DPYSL2: variants seen among roughly 807,000 people sequenced by gnomAD.
DPYSL2 encodes dihydropyrimidinase-related protein 2.
Under a neutral mutation model 69.9 loss-of-function variants are expected in DPYSL2, and 13 were observed. The observed-to-expected ratio is 0.19, with a 90% CI of 0.12 to 0.30. The LOEUF (loss-of-function observed/expected upper bound fraction) is 0.30, where lower values mean the gene tolerates loss of function less well. Ranked by LOEUF, DPYSL2 falls within the 10% of genes least tolerant of loss-of-function variation. The pLI is 1.00. For synonymous variants in DPYSL2, 326 were observed against 359.1 expected (o/e 0.91, Z 1.04); for missense variants, 587 against 918.9 (o/e 0.64, Z 4.67).
intron 1 of DPYSL2, among the ~76,000 whole-genome samples, chr8:26,523,460 A>G (rs1021674112): frequency 2.0e-5 from 3 of 152,122 alleles, no homozygotes; most frequent in African/African-American, 7.2e-5. Flanking sequence ...CCCATGAAGC[A>G]ACAACTCTTC....
At chr8:26,542,985 A>C (rs1800709646) in intron 1 of DPYSL2, among the ~76,000 whole-genome samples, 1 of 152,244 alleles carries the variant, frequency 6.6e-6, no homozygotes, top group Non-Finnish European at 1.5e-5. Context: ...CTAAAAATAC[A>C]TGACACCAGC....
In DPYSL2 at chr8:26,653,051, C is replaced by T. The variant is rs958747858; in HGVS notation, c.1777-181C>T. Among the ~76,000 whole-genome samples the T allele has an allele frequency of 1.3e-5, 2 of 152,094 alleles. No individual in the cohort carries two copies. The highest frequency in any genetic ancestry group is 6.5e-5 in the Admixed American group (1 of 15,272). On this transcript the variant is annotated intron_variant, in intron 12 of 13. Transcript: ENST00000521913. The surrounding 1 kb of genome is among the most constrained non-coding windows in gnomAD (Gnocchi z 5.7). Reference sequence around the variant, plus strand: ...TTTGTAGAGTTAACCAGTTACTGGACCTTGTGGGGAGTTTTGGCCTGGCAT... The same window carrying T: ...TTTGTAGAGTTAACCAGTTACTGGATCTTGTGGGGAGTTTTGGCCTGGCAT...
chr8:26,604,463 C>G (rs1315472156), intron 3 of DPYSL2, among the ~76,000 whole-genome samples: 1 of 152,132 alleles, frequency 6.6e-6, no homozygotes, highest in African/African-American at 2.4e-5. Flanking sequence ...GTGGCCCCAG[C>G]TGGGGAAAGA....
At position 26,516,213 on chromosome 8, in the gene DPYSL2, C is replaced by A. The variant is rs1341012146; in HGVS notation, c.354+1534C>A. Among the ~76,000 whole-genome samples, 2 of 152,172 alleles carry A rather than the reference C, an allele frequency of 1.3e-5. No homozygotes were observed. The highest frequency in any genetic ancestry group is 2.9e-5 in the Non-Finnish European group (2 of 68,028). On this transcript the variant is annotated intron_variant, in intron 1 of 13. Coordinates refer to ENST00000521913, the MANE Select transcript of DPYSL2 (RefSeq NM_001197293.3). This position sits in a 1 kb window ranked among gnomAD's most constrained non-coding sequence, Gnocchi z 4.8. ...TTCACTATGAGTCAACCAGAAGAAA[C>A]TAAATCCAAAAAACTTGCTTTGTTC...
At chr8:26,552,692 C>G (rs1311427644) in intron 1 of DPYSL2, among the ~76,000 whole-genome samples, 1 of 152,186 alleles carries the variant, frequency 6.6e-6, no homozygotes, top group Non-Finnish European at 1.5e-5. Flanking sequence ...GACTGCCAAA[C>G]TGGCTTTCAT....
At position 26,593,357 on chromosome 8, in the gene DPYSL2, A is replaced by G. The variant is rs1258239616; in HGVS notation, c.628+9374A>G. On this transcript the variant is annotated intron_variant, in intron 3 of 13. Coordinates refer to ENST00000521913, the MANE Select transcript of DPYSL2 (RefSeq NM_001197293.3). The surrounding 1 kb of genome is among the most constrained non-coding windows in gnomAD (Gnocchi z 5.7). ...GGCATTGGTCGTTTTGAAAGCCTCA[A>G]GGTGATAGCTGGGATTAAGAATCAT... Among the ~76,000 whole-genome samples, 1 of 152,196 alleles carries G rather than the reference A, an allele frequency of 6.6e-6. No homozygotes were observed. The highest frequency in any genetic ancestry group is 1.5e-5 in the Non-Finnish European group (1 of 68,030).
At chr8:26,527,236 G>A (rs1290597758) in intron 1 of DPYSL2, among the ~76,000 whole-genome samples, 3 of 152,060 alleles carry the variant, frequency 2.0e-5, no homozygotes, top group Non-Finnish European at 2.9e-5. Context: ...GACTCTTTTT[G>A]TTTCTCAATA....
rs1417531224 is a variant in DPYSL2 at position 26,652,493 on chromosome 8, A to G, written c.1776+57A>G. 1.3e-6 allele frequency: 2 copies of G among 1,524,764 alleles called. No individual in the cohort carries two copies. The highest frequency in any genetic ancestry group is 1.8e-6 in the Non-Finnish European group (2 of 1,119,510). The allele number at this position is 1,524,764 out of a possible 1,614,324, so 94.5% of individuals were successfully genotyped here. ...TAAATCACGAATTAAGTTCAAGGCC[A>G]CAAACATTTATTAAGCACCTTGAGA... On this transcript the variant is annotated intron_variant, in intron 12 of 13. Coordinates refer to ENST00000521913, the MANE Select transcript of DPYSL2 (RefSeq NM_001197293.3). The surrounding 1 kb of genome is among the most constrained non-coding windows in gnomAD (Gnocchi z 6.3).
intron 1 of DPYSL2, among the ~76,000 whole-genome samples, chr8:26,555,102 G>T (rs1255279835): frequency 6.6e-6 from 1 of 151,904 alleles, no homozygotes; most frequent in Non-Finnish European, 1.5e-5. Context: ...AGTATATAGG[G>T]AAACTTTCTC....
At chr8:26,635,447 TGA>T (rs1463736760) in intron 8 of DPYSL2, among the ~76,000 whole-genome samples, 3 of 152,182 alleles carry the variant, frequency 2.0e-5, no homozygotes. Context: ...TGTAACTAAC[TGA>T]TGAAGTGCAG....
intron 1 of DPYSL2, among the ~76,000 whole-genome samples, chr8:26,515,816 C>T (rs556284170): frequency 6.6e-6 from 1 of 152,312 alleles, no homozygotes; most frequent in South Asian, 2.1e-4. Context: ...ACCTATTGTG[C>T]GCCTTGCCTT....
chr8:26,649,858 T>C (rs1439394497), intron 11 of DPYSL2, among the ~76,000 whole-genome samples: 1 of 152,202 alleles, frequency 6.6e-6, no homozygotes, highest in Non-Finnish European at 1.5e-5. Context: ...GAGAGTAGGC[T>C]CTGAGTATCT....
At chr8:26,539,662 C>A (rs1478419401) in intron 1 of DPYSL2, among the ~76,000 whole-genome samples, 1 of 152,200 alleles carries the variant, frequency 6.6e-6, no homozygotes, top group Admixed American at 6.5e-5. Flanking sequence ...GCCTCAGCCT[C>A]CCGAGTAGCT....
Position 26,588,188 on chromosome 8 carries a change from C to T in DPYSL2, c.628+4205C>T, listed in dbSNP as rs1801646291. 1.3e-5 allele frequency among the ~76,000 whole-genome samples: 2 copies of T among 152,214 alleles called. No homozygotes were observed. Among genetic ancestry groups the T allele is most frequent in the Non-Finnish European group, 2.9e-5 (2 of 68,036 alleles). Reference sequence around the variant, plus strand: ...CCCATCTCTTGTACACTGAGCTCTACTCTCCCCCGCATGGCCGGAGAAACA... The same window carrying T: ...CCCATCTCTTGTACACTGAGCTCTATTCTCCCCCGCATGGCCGGAGAAACA... On this transcript the variant is annotated intron_variant, in intron 3 of 13. Coordinates refer to ENST00000521913, the MANE Select transcript of DPYSL2 (RefSeq NM_001197293.3). The surrounding 1 kb of genome is among the most constrained non-coding windows in gnomAD (Gnocchi z 5.4).
intron 10 of DPYSL2, among the ~76,000 whole-genome samples, chr8:26,646,636 G>A (rs180729581): frequency 6.6e-6 from 1 of 152,194 alleles, no homozygotes; most frequent in East Asian, 1.9e-4. Flanking sequence ...AGCACTTGAG[G>A]AAATGTGATT....
At chr8:26,522,455 G>A (rs921148326) in intron 1 of DPYSL2, among the ~76,000 whole-genome samples, 1 of 152,186 alleles carries the variant, frequency 6.6e-6, no homozygotes, top group Non-Finnish European at 1.5e-5. Context: ...GTACCATTTT[G>A]CGTTGCCACC....
chr8:26,582,483 G>A lies in DPYSL2; in HGVS notation c.443+426G>A, dbSNP rs1801512463. 2.6e-5 allele frequency among the ~76,000 whole-genome samples: 4 copies of A among 152,356 alleles called. 1 individual carries two copies. In the South Asian group the frequency reaches 8.3e-4, roughly 32 times the overall value. ...CTTTCTTCATCAAGAATCCAAGTTG[G>A]AGGGGCCAAAGAAAGATACCAAGTT... On this transcript the variant is annotated intron_variant, in intron 2 of 13. Transcript: ENST00000521913. The surrounding 1 kb of genome is among the most constrained non-coding windows in gnomAD (Gnocchi z 4.1).
chr8:26,647,579 A>T lies in DPYSL2; in HGVS notation c.1426-51A>T, dbSNP rs766770478. The stretch of plus-strand genomic sequence containing the variant: ...GTTTGTTATTGAAAAGTAACTTTTT[A>T]ACTCGTTTCTGCTGTGTGCCTCCTG... On this transcript the variant is annotated intron_variant, in intron 10 of 13. Coordinates refer to ENST00000521913, the MANE Select transcript of DPYSL2 (RefSeq NM_001197293.3). This position sits in a 1 kb window ranked among gnomAD's most constrained non-coding sequence, Gnocchi z 5.1. 6.5e-7 allele frequency: 1 copy of T among 1,535,400 alleles called. No individual in the cohort carries two copies. Among genetic ancestry groups the T allele is most frequent in the Non-Finnish European group, 8.8e-7 (1 of 1,139,840 alleles).
rs920520856 is a variant in DPYSL2, at chr8:26,585,712, A to T, written c.628+1729A>T. 1.1e-4 allele frequency among the ~76,000 whole-genome samples: 16 copies of T among 152,300 alleles called. No homozygotes were observed. The highest frequency in any genetic ancestry group is 3.6e-4 in the African/African-American group (15 of 41,574). Reference sequence around the variant, plus strand: ...GAGAAGCTTAGACTATTCGGGTGTCAGCCGGGAAGGCCAAGTCAGGGTGAT... The same window carrying T: ...GAGAAGCTTAGACTATTCGGGTGTCTGCCGGGAAGGCCAAGTCAGGGTGAT... On this transcript the variant is annotated intron_variant, in intron 3 of 13. Transcript: ENST00000521913. This position sits in a 1 kb window ranked among gnomAD's most constrained non-coding sequence, Gnocchi z 4.0.
Sources: allele counts gnomAD v4.1 joint callset (sites outside exome capture counted in the v4.1 genomes callset), GRCh38; gene constraint gnomAD v4.1.1; non-coding constraint Gnocchi (gnomAD v3.1); transcripts MANE v1.5; gene names NCBI Gene and HGNC (gene_info 2026-07-23, HGNC 2026-07-21).